Variants in BTLA observed in about 807,000 individuals in gnomAD.
BTLA encodes B- and T-lymphocyte attenuator.
A neutral mutation model predicts 25.0 loss-of-function variants in BTLA; 11 were observed. The ratio of observed to expected loss-of-function variants is 0.44; its 90% confidence interval spans 0.28 to 0.73. The LOEUF is 0.73. BTLA is among the 30% of genes least tolerant of loss of function. The pLI, the probability that BTLA is intolerant of heterozygous loss-of-function variation, is 0.15. For missense variants in BTLA, 282 were observed against 332.8 expected, an observed-to-expected ratio of 0.85 and a Z score of 1.19; for synonymous variants, 104 against 119.8, an observed-to-expected ratio of 0.87 and a Z score of 0.86.
Position 112,499,331 on chromosome 3 carries a change from T to C in BTLA, c.28A>G (p.Thr10Ala), listed in dbSNP as rs199856861. The C allele has an allele frequency of 3.1e-6, 5 of 1,613,692 alleles. No homozygotes were observed. Among genetic ancestry groups the C allele is most frequent in the Middle Eastern group, 3.3e-4 (2 of 6,084 alleles). Residue 10 changes from threonine to alanine, a missense_variant, in exon 1 of 5, where the codon ACT becomes GCT. This residue lies in a region of BTLA where 163 missense variants were observed against 230.4 expected (regional missense o/e 0.71). Transcript: ENST00000334529. ...AAGAAGACCCAAAATAATTTCCCAG[T>C]TCCAAGCATGGCAGGCAATGTCTTC... is the stretch of plus-strand genomic sequence containing the variant. MKTLPAMLG[T>A]GKLFWVFFLI...
At chr3:112,470,604 C>A (rs1368466086) in intron 3 of BTLA, among the ~76,000 whole-genome samples, 1 of 152,188 alleles carries the variant, frequency 6.6e-6, no homozygotes, top group African/African-American at 2.4e-5. Context: ...TGAGAGAGTT[C>A]TTGCAAAAGT....
rs2082261527 is a variant in BTLA at position 112,471,447 on chromosome 3, G to A, written c.404-92C>T. ...TCTGCATTGTCAGAACTTGAGTGAA[G>A]GAGATTTCAGGCCAATGCCTCCATT... is the stretch of plus-strand genomic sequence containing the variant. On this transcript the variant is annotated intron_variant, in intron 2 of 4. Coordinates refer to ENST00000334529, the MANE Select transcript of BTLA (RefSeq NM_181780.4). The A allele has an allele frequency of 5.9e-6, 8 of 1,351,406 alleles. No individual in the cohort carries two copies. The East Asian group carries it at 1.9e-4, about 32-fold the overall frequency. The allele number at this position is 1,351,406 out of a possible 1,614,324, so 83.7% of individuals were successfully genotyped here. A position where few individuals can be genotyped will look rare whatever the true frequency, so the allele number is the denominator to read the frequency against.
At chr3:112,487,364 C>T (rs1423498973) in intron 1 of BTLA, among the ~76,000 whole-genome samples, 1 of 152,188 alleles carries the variant, frequency 6.6e-6, no homozygotes, top group East Asian at 1.9e-4. Flanking sequence ...GCGGGCGGAT[C>T]ACCAGAGGTC....
chr3:112,491,560 C>T (rs2082380133), intron 1 of BTLA, among the ~76,000 whole-genome samples: 1 of 152,176 alleles, frequency 6.6e-6, no homozygotes, highest in African/African-American at 2.4e-5. Flanking sequence ...AAGGCTAGGA[C>T]TTTAACCCAG....
At chr3:112,473,742 G>A (rs1365367234) in intron 2 of BTLA, among the ~76,000 whole-genome samples, 9 of 151,180 alleles carry the variant, frequency 6.0e-5, no homozygotes, top group Non-Finnish European at 1.2e-4. Context: ...AGCCTCCTGA[G>A]TAGTTGGGAT....
At chr3:112,493,279 T>C (rs2082389613) in intron 1 of BTLA, among the ~76,000 whole-genome samples, 1 of 152,146 alleles carries the variant, frequency 6.6e-6, no homozygotes, top group African/African-American at 2.4e-5. Flanking sequence ...TCACAAAGTC[T>C]TCATGACATA....
At chr3:112,483,803 A>G (rs943078541) in intron 1 of BTLA, among the ~76,000 whole-genome samples, 1 of 152,016 alleles carries the variant, frequency 6.6e-6, no homozygotes, top group African/African-American at 2.4e-5. Context: ...CACCGTCTTT[A>G]CTAAAAATAC....
chr3:112,477,583 G>A (rs1036304980), intron 2 of BTLA, among the ~76,000 whole-genome samples: 2 of 151,952 alleles, frequency 1.3e-5, no homozygotes, highest in African/African-American at 4.8e-5. Flanking sequence ...ATGCACAGAA[G>A]TGTTTAATTT....
chr3:112,486,280 C>T (rs1276754079), intron 1 of BTLA, among the ~76,000 whole-genome samples: 3 of 152,058 alleles, frequency 2.0e-5, no homozygotes, highest in South Asian at 2.1e-4. Flanking sequence ...CAGGTGGTAC[C>T]GATGATATTT....
At chr3:112,479,310 G>A in intron 2 of BTLA, 145 bp downstream of exon 2, 2 of 729,984 alleles carry the variant, frequency 2.7e-6, no homozygotes, top group South Asian at 1.8e-5. Flanking sequence ...GTACACACTG[G>A]CACATAACAA....
chr3:112,489,262 C>T (rs1306655325), intron 1 of BTLA, among the ~76,000 whole-genome samples: 2 of 152,046 alleles, frequency 1.3e-5, no homozygotes, highest in African/African-American at 4.8e-5. Flanking sequence ...GAGTGCCAGC[C>T]ACAAACAACT....
Position 112,469,398 on chromosome 3 carries a change from A to G in BTLA, c.594+360T>C, listed in dbSNP as rs189032389. 6.9e-4 allele frequency among the ~76,000 whole-genome samples: 105 copies of G among 152,126 alleles called. 1 individual carries two copies. Among genetic ancestry groups the G allele is most frequent in the African/African-American group, 2.4e-3 (99 of 41,462 alleles). ...TCCAGAAAGACCTTAAGGTGTTTAC[A>G]TAAAAAATAAATGAATAGCCTGAAG... is the stretch of plus-strand genomic sequence containing the variant. On this transcript the variant is annotated intron_variant, in intron 4 of 4. Coordinates refer to ENST00000334529, the MANE Select transcript of BTLA (RefSeq NM_181780.4).
chr3:112,486,683 T>C (rs1370790452), intron 1 of BTLA, among the ~76,000 whole-genome samples: 1 of 152,208 alleles, frequency 6.6e-6, no homozygotes. Flanking sequence ...TAAAGTTTTA[T>C]TTTCTAAAGT....
chr3:112,471,434 G>C (rs929751144), intron 2 of BTLA, 79 bp from the exon 3 acceptor site: 15 of 1,436,092 alleles, frequency 1.0e-5, no homozygotes, highest in African/African-American at 2.8e-5. Context: ...TGCATTGTCA[G>C]AACTTGAGTG....
At chr3:112,471,397 G>T (rs2082261171) in intron 2 of BTLA, 42 bp from the exon 3 acceptor site, 1 of 1,596,860 alleles carries the variant, frequency 6.3e-7, no homozygotes, top group African/African-American at 1.3e-5. Context: ...GGAAATCTGA[G>T]ATATATTGGG....
intron 1 of BTLA, among the ~76,000 whole-genome samples, chr3:112,487,844 T>G (rs1442504094): frequency 6.6e-6 from 1 of 152,200 alleles, no homozygotes; most frequent in African/African-American, 2.4e-5. Context: ...TCTTTCTGGC[T>G]GGGTCAATCA....
intron 2 of BTLA, 58 bp from the exon 3 acceptor site, chr3:112,471,413 C>A: frequency 6.4e-7 from 1 of 1,554,974 alleles, no homozygotes. Flanking sequence ...TTGGGATCAG[C>A]GGCACCCCTC....
rs896819478 is a variant in BTLA, at chr3:112,498,154, C to T, written c.88+1117G>A. ...CCACACTGATGATGAATAGATAGCT[C>T]GTTCTTCCCAAACTGAGTGCAGTAG... On this transcript the variant is annotated intron_variant, in intron 1 of 4. Coordinates refer to ENST00000334529, the MANE Select transcript of BTLA (RefSeq NM_181780.4). 1.2e-4 allele frequency among the ~76,000 whole-genome samples: 18 copies of T among 152,298 alleles called. 1 individual carries two copies. Among genetic ancestry groups the T allele is most frequent in the African/African-American group, 3.9e-4 (16 of 41,554 alleles).
chr3:112,492,550 G>C (rs1307062155), intron 1 of BTLA, among the ~76,000 whole-genome samples: 1 of 152,182 alleles, frequency 6.6e-6, no homozygotes, highest in African/African-American at 2.4e-5. Context: ...TATGTATTAT[G>C]ATTGGAAAGG....
Sources: allele counts gnomAD v4.1 joint callset (sites outside exome capture counted in the v4.1 genomes callset), GRCh38; gene constraint gnomAD v4.1.1; regional missense constraint gnomAD v4.1.1; transcripts MANE v1.5; gene names NCBI Gene and HGNC (gene_info 2026-07-23, HGNC 2026-07-21).